Variants in CSNK2A1 observed in about 807,000 individuals in gnomAD.
The protein encoded by CSNK2A1 is casein kinase II subunit alpha.
CSNK2A1 carries 10 observed loss-of-function variants against 62.9 expected under a neutral mutation model. The observed-to-expected ratio is 0.16, with a 90% CI of 0.10 to 0.27. CSNK2A1 has a LOEUF of 0.27. Among genes scored for constraint, CSNK2A1 ranks in the 10% least tolerant of loss-of-function variants. The pLI is 1.00. For synonymous variants in CSNK2A1, 124 were observed against 167.8 expected, an observed-to-expected ratio of 0.74 and a Z score of 2.02; for missense variants, 160 against 492.0, an observed-to-expected ratio of 0.33 and a Z score of 6.38.
At chr20:519,457 T>C (rs534592254) in intron 2 of CSNK2A1, among the ~76,000 whole-genome samples, 21 of 152,364 alleles carry the variant, frequency 1.4e-4, no homozygotes, top group African/African-American at 4.8e-4. Context: ...CACAGGCCTA[T>C]AGTCCCAGCT....
intron 2 of CSNK2A1, among the ~76,000 whole-genome samples, chr20:522,729 C>T (rs568925837): frequency 6.6e-6 from 1 of 152,210 alleles, no homozygotes; most frequent in South Asian, 2.1e-4. Flanking sequence ...TGGGGTCTCA[C>T]TTTGTCACCC....
chr20:540,883 G>A (rs538712183), intron 1 of CSNK2A1: 1 of 152,174 alleles, frequency 6.6e-6, no homozygotes, highest in Admixed American at 6.6e-5. Flanking sequence ...TTTGCTTAGG[G>A]TCTCACGAGG....
chr20:483,907 G>C lies in CSNK2A1; in HGVS notation c.*54C>G. On this transcript the variant is annotated 3_prime_UTR_variant, in exon 14 of 14. Coordinates refer to ENST00000217244, the MANE Select transcript of CSNK2A1 (RefSeq NM_177559.3). ...CCCCGCCAGGCGCAAGCTGCATCAA[G>C]GAGAGGGTGGACTCCCCCACCTCTG... 2 of 1,551,978 alleles carry C rather than the reference G, an allele frequency of 1.3e-6. No homozygotes were observed. The highest frequency in any genetic ancestry group is 1.7e-6 in the Non-Finnish European group (2 of 1,150,420).
At chr20:517,630 C>T (rs908898614) in intron 2 of CSNK2A1, among the ~76,000 whole-genome samples, 6 of 151,788 alleles carry the variant, frequency 4.0e-5, no homozygotes, top group African/African-American at 7.3e-5. Context: ...ACTTAAAGTA[C>T]GCACAGGAAT....
intron 8 of CSNK2A1, 96 bp downstream of exon 8, chr20:495,623 T>C (rs1404739368): frequency 2.0e-6 from 2 of 1,003,788 alleles, no homozygotes; most frequent in African/African-American, 3.2e-5. Context: ...GCCGAATAGG[T>C]ACTAGGGCCT....
At chr20:507,145 C>G (rs889966855) in intron 3 of CSNK2A1, 2 of 152,010 alleles carry the variant, frequency 1.3e-5, no homozygotes, top group East Asian at 3.9e-4. Context: ...GCCTGTAATC[C>G]CAGCTACTCG....
At chr20:524,506 G>GT (rs1459283218) in intron 2 of CSNK2A1, among the ~76,000 whole-genome samples, 4 of 150,088 alleles carry the variant, frequency 2.7e-5, no homozygotes, top group African/African-American at 9.8e-5. Flanking sequence ...GAGGTCAGGA[G>GT]TTTGAGACCA....
At chr20:513,748 G>A (rs1207935378) in intron 2 of CSNK2A1, among the ~76,000 whole-genome samples, 1 of 152,168 alleles carries the variant, frequency 6.6e-6, no homozygotes, top group African/African-American at 2.4e-5. Flanking sequence ...AGATTCTCCA[G>A]TACTTGTCTG....
chr20:506,089 G>GAT (rs905787522), intron 3 of CSNK2A1: 16 of 151,926 alleles, frequency 1.1e-4, no homozygotes, highest in Admixed American at 9.2e-4. Flanking sequence ...TGTTAGCCAG[G>GAT]ATGGTCTCGA....
At chr20:490,328 G>GTTTTTTC (rs1382051769) in intron 9 of CSNK2A1, among the ~76,000 whole-genome samples, 3 of 48,446 alleles carry the variant, frequency 6.2e-5, no homozygotes, top group African/African-American at 1.1e-4. Flanking sequence ...TGCCTGGCTA[G>GTTTTTTC]TTTTTTCTTT....
chr20:488,516 G>A, intron 11 of CSNK2A1, 162 bp downstream of exon 11: 1 of 640,462 alleles, frequency 1.6e-6, no homozygotes, highest in Non-Finnish European at 2.7e-6. Context: ...TCAATCCAAT[G>A]CCTTTATCAG....
intron 1 of CSNK2A1, among the ~76,000 whole-genome samples, chr20:536,140 A>T (rs2019318527): frequency 6.6e-6 from 1 of 152,164 alleles, no homozygotes. Context: ...ACTGGGCGTG[A>T]CTTACATACT....
intron 11 of CSNK2A1, chr20:487,929 G>T: frequency 3.3e-6 from 1 of 307,292 alleles, no homozygotes; most frequent in Non-Finnish European, 6.1e-6. Context: ...TCTGCCAATT[G>T]GCCAGCAAAA....
chr20:521,014 A>G (rs951303063), intron 2 of CSNK2A1, among the ~76,000 whole-genome samples: 1 of 152,226 alleles, frequency 6.6e-6, no homozygotes, highest in Non-Finnish European at 1.5e-5. Flanking sequence ...AAATTATCAA[A>G]CCTTCTTGCA....
chr20:520,396 A>G lies in CSNK2A1; in HGVS notation c.-110+7537T>C, dbSNP rs75622763. Among the ~76,000 whole-genome samples, 1,271 of 152,318 alleles carry G rather than the reference A, an allele frequency of 8.3e-3. 30 individuals carry two copies. The highest frequency in any genetic ancestry group is 0.028 in the African/African-American group (1,164 of 41,576). On this transcript the variant is annotated intron_variant, in intron 2 of 13. Transcript: ENST00000217244. Reference sequence around the variant, plus strand: ...AATACATAGATCAAGGGAACAGAATAAAGAGTACAGAAATACACTCACACA... The same window carrying G: ...AATACATAGATCAAGGGAACAGAATGAAGAGTACAGAAATACACTCACACA...
chr20:510,864 G>C (rs1002799006), intron 2 of CSNK2A1, among the ~76,000 whole-genome samples: 11 of 151,830 alleles, frequency 7.2e-5, no homozygotes, highest in Non-Finnish European at 1.5e-4. Context: ...CCACAGGCGT[G>C]GGCTACCACA....
chr20:509,165 C>T (rs931427556), intron 2 of CSNK2A1, among the ~76,000 whole-genome samples: 1 of 152,178 alleles, frequency 6.6e-6, no homozygotes, highest in African/African-American at 2.4e-5. Flanking sequence ...CATCAAAGCT[C>T]CATGTCATCT....
intron 1 of CSNK2A1, chr20:539,174 A>G (rs1266546913): frequency 6.6e-6 from 1 of 152,258 alleles, no homozygotes; most frequent in Non-Finnish European, 1.5e-5. Context: ...ATCACAAACA[A>G]AACAACACAA....
At chr20:513,188 C>G (rs1011412193) in intron 2 of CSNK2A1, among the ~76,000 whole-genome samples, 1 of 152,232 alleles carries the variant, frequency 6.6e-6, no homozygotes, top group African/African-American at 2.4e-5. Context: ...ATAACCTTTA[C>G]AGCCACTTTA....
Sources: gnomAD v4.1 joint callset for allele counts (sites outside exome capture counted in the v4.1 genomes callset) on GRCh38, gnomAD v4.1.1 for gene constraint, MANE v1.5 for transcripts, NCBI Gene and HGNC (gene_info 2026-07-23, HGNC 2026-07-21) for gene names.